FAM234B: variants seen among roughly 807,000 people sequenced by gnomAD.
The protein encoded by FAM234B is family with sequence similarity 234 member B.
FAM234B carries 33 observed loss-of-function variants against 69.3 expected under a neutral mutation model. The observed-to-expected ratio is 0.48, with a 90% CI of 0.36 to 0.64. FAM234B has a LOEUF of 0.64. FAM234B is among the 30% of genes least tolerant of loss of function. The probability of loss-of-function intolerance (pLI) is 0.00; values close to 1 mark genes in which losing one functional copy is unlikely to be tolerated. For missense variants in FAM234B, 697 were observed against 769.7 expected (o/e 0.91, Z 1.12); for synonymous variants, 306 against 306.9 (o/e 1.00, Z 0.03).
At chr12:13,078,409 C>T (rs575573756) in intron 11 of FAM234B, among the ~76,000 whole-genome samples, 18 of 152,228 alleles carry the variant, frequency 1.2e-4, no homozygotes, top group African/African-American at 4.1e-4. Flanking sequence ...TTAGGTCTAA[C>T]GTTTAAGTCC....
intron 12 of FAM234B, 43 bp downstream of exon 12, chr12:13,080,052 C>A: frequency 7.3e-7 from 1 of 1,362,298 alleles, no homozygotes. Context: ...GGGTTTAGGA[C>A]AAATACTACC....
intron 11 of FAM234B, among the ~76,000 whole-genome samples, chr12:13,076,374 C>T (rs984874219): frequency 6.6e-6 from 1 of 152,194 alleles, no homozygotes; most frequent in African/African-American, 2.4e-5. Flanking sequence ...GGTGAAAGCG[C>T]GTCCCATTCC....
chr12:13,080,045 T>G (rs1202839430), intron 12 of FAM234B, 36 bp downstream of exon 12: 7 of 1,464,836 alleles, frequency 4.8e-6, no homozygotes, highest in Non-Finnish European at 6.5e-6. Context: ...CTCTTGAGGG[T>G]TTAGGACAAA....
At chr12:13,059,419 C>T (rs945558500) in intron 3 of FAM234B, among the ~76,000 whole-genome samples, 1 of 152,206 alleles carries the variant, frequency 6.6e-6, no homozygotes, top group Non-Finnish European at 1.5e-5. Context: ...ACAACTTACC[C>T]TCATTTAGGG....
Position 13,049,188 on chromosome 12 carries a change from A to AT in FAM234B, c.37+4757dup, listed in dbSNP as rs1031777599. Among the ~76,000 whole-genome samples the AT allele has an allele frequency of 3.3e-5, 5 of 151,930 alleles. No homozygotes were observed. The East Asian group carries it at 7.7e-4, about 24-fold the overall frequency. Reference sequence around the variant, plus strand: ...GTTATGAAGATTTACTGAGATAAGAATTTTTTTTTGAGACAAAGTCTTGTT... The same window carrying AT: ...GTTATGAAGATTTACTGAGATAAGAATTTTTTTTTTGAGACAAAGTCTTGTT... On this transcript the variant is annotated intron_variant, in intron 1 of 12. Transcript: ENST00000197268.
In FAM234B at chr12:13,070,801, T is replaced by G. The variant is rs1010423548; in HGVS notation, c.1369-440T>G. 6.6e-5 allele frequency among the ~76,000 whole-genome samples: 10 copies of G among 152,220 alleles called. No individual in the cohort carries two copies. The South Asian group carries it at 2.1e-3, about 32-fold the overall frequency. ...CACCGTGCCCCAGGACAGTGTTCAC[T>G]GGGCCATTGTTTTCTGAGTGACTGC... On this transcript the variant is annotated intron_variant, in intron 9 of 12. Coordinates refer to ENST00000197268, the MANE Select transcript of FAM234B (RefSeq NM_020853.2).
At chr12:13,056,517 AC>A (rs745728705) in intron 2 of FAM234B, among the ~76,000 whole-genome samples, 13 of 152,148 alleles carry the variant, frequency 8.5e-5, no homozygotes, top group Non-Finnish European at 1.5e-4. Flanking sequence ...AATGGGACTT[AC>A]ATCTCACCTG....
chr12:13,056,008 A>G, intron 2 of FAM234B, 62 bp downstream of exon 2: 2 of 1,446,520 alleles, frequency 1.4e-6, no homozygotes, highest in Non-Finnish European at 1.8e-6. Context: ...GATTACATTT[A>G]AATTTTCCTC....
intron 10 of FAM234B, among the ~76,000 whole-genome samples, chr12:13,072,460 A>T (rs1439757602): frequency 1.3e-5 from 2 of 152,162 alleles, no homozygotes; most frequent in Non-Finnish European, 2.9e-5. Context: ...GGCTGGGCGC[A>T]GTGGCTCATG....
chr12:13,057,375 ACTGT>A (rs1555120135), intron 2 of FAM234B, among the ~76,000 whole-genome samples: 1 of 151,822 alleles, frequency 6.6e-6, no homozygotes, highest in Non-Finnish European at 1.5e-5. Flanking sequence ...CATTTTCACT[ACTGT>A]CTGATTTTTC....
intron 1 of FAM234B, among the ~76,000 whole-genome samples, chr12:13,047,044 G>A (rs1386856041): frequency 2.0e-5 from 3 of 152,198 alleles, no homozygotes; most frequent in East Asian, 1.9e-4. Context: ...GTAAGTGTTA[G>A]CTGTTGTCAT....
At chr12:13,047,824 G>A (rs150616425) in intron 1 of FAM234B, among the ~76,000 whole-genome samples, 192 of 152,302 alleles carry the variant, frequency 1.3e-3, no homozygotes, top group African/African-American at 4.2e-3. Context: ...GCCTGAGTAG[G>A]ACTTAAGGCA....
rs746037531 is a variant in FAM234B, at chr12:13,055,597, T to C, written c.84T>C (p.Ala28=). Residue 28 remains alanine (A), a synonymous_variant, in exon 2 of 13, where the codon GCT becomes GCC. Coordinates refer to ENST00000197268, the MANE Select transcript of FAM234B (RefSeq NM_020853.2). ...GGGAGTATGATCCACTTACCCAGGC[T>C]GACAGTGATGAGAGCGAAGACGATC... ...DLGEYDPLTQ[A]DSDESEDDLV... The C allele has an allele frequency of 6.2e-6, 10 of 1,613,222 alleles. No homozygotes were observed. In the Admixed American group the frequency reaches 1.7e-4, roughly 27 times the overall value.
rs73294799 is a variant in FAM234B, at chr12:13,074,102, T to C, written c.1525-1924T>C. Among the ~76,000 whole-genome samples the C allele has an allele frequency of 5.6e-3, 858 of 152,362 alleles. 6 individuals carry two copies. The highest frequency in any genetic ancestry group is 0.02 in the African/African-American group (812 of 41,586). On this transcript the variant is annotated intron_variant, in intron 10 of 12. Transcript: ENST00000197268. Reference sequence around the variant, plus strand: ...TTTTCAAACTGATATCTTACCCTTCTTGGTGCCTCAGACTAGCTCCTGTTC... The same window carrying C: ...TTTTCAAACTGATATCTTACCCTTCCTGGTGCCTCAGACTAGCTCCTGTTC...
At chr12:13,061,087 T>G (rs935279879) in intron 3 of FAM234B, among the ~76,000 whole-genome samples, 2 of 152,248 alleles carry the variant, frequency 1.3e-5, no homozygotes, top group African/African-American at 4.8e-5. Flanking sequence ...TCAGGTATTT[T>G]GCTCCCCGCG....
Position 13,044,560 on chromosome 12 carries a change from C to T in FAM234B, c.37+120C>T. ...TCAACCCAGACTCAGCTGCAGGCGC[C>T]CGGTGCCGAGGAGGGTGCAGTCCCT... On this transcript the variant is annotated intron_variant, in intron 1 of 12. Transcript: ENST00000197268. This position sits in a 1 kb window ranked among gnomAD's most constrained non-coding sequence, Gnocchi z 5.6. 3 of 1,120,178 alleles carry T rather than the reference C, an allele frequency of 2.7e-6. No homozygotes were observed. Among genetic ancestry groups the T allele is most frequent in the South Asian group, 2.9e-5 (2 of 69,618 alleles). 69.4% of individuals were successfully genotyped at this position (1,120,178 alleles called of 1,614,324 possible).
intron 10 of FAM234B, 100 bp downstream of exon 10, chr12:13,071,496 C>A: frequency 8.7e-7 from 1 of 1,149,916 alleles, no homozygotes; most frequent in Non-Finnish European, 1.3e-6. Flanking sequence ...CATCACTTTC[C>A]AAGGGGTTGG....
At chr12:13,047,356 AT>A (rs1864823162) in intron 1 of FAM234B, among the ~76,000 whole-genome samples, 1 of 152,150 alleles carries the variant, frequency 6.6e-6, no homozygotes, top group South Asian at 2.1e-4. Flanking sequence ...TTTATGATTT[AT>A]TTTGTTTGTG....
intron 1 of FAM234B, among the ~76,000 whole-genome samples, chr12:13,054,566 G>A (rs1864909529): frequency 6.6e-6 from 1 of 152,162 alleles, no homozygotes; most frequent in Non-Finnish European, 1.5e-5. Context: ...AATTAGCTGG[G>A]TTTTGTGGTC....
Sources: allele counts gnomAD v4.1 joint callset (sites outside exome capture counted in the v4.1 genomes callset), GRCh38; gene constraint gnomAD v4.1.1; non-coding constraint Gnocchi (gnomAD v3.1); transcripts MANE v1.5; gene names NCBI Gene and HGNC (gene_info 2026-07-23, HGNC 2026-07-21).